KCND2: variants seen among roughly 807,000 people sequenced by gnomAD.
KCND2 encodes potassium voltage-gated channel subfamily D member 2.
Under a neutral mutation model 54.4 loss-of-function variants are expected in KCND2, and 16 were observed. That is an observed-to-expected ratio of 0.29 (90% CI 0.20 to 0.45). The LOEUF (loss-of-function observed/expected upper bound fraction) is 0.45, where lower values mean the gene tolerates loss of function less well. KCND2 is among the 20% of genes least tolerant of loss of function. The pLI is 1.00. For synonymous variants in KCND2, 317 were observed against 310.7 expected (o/e 1.02, Z -0.21); for missense variants, 486 against 824.2 (o/e 0.59, Z 5.02).
At chr7:120,662,496 A>C (rs1360671481) in intron 1 of KCND2, among the ~76,000 whole-genome samples, 1 of 152,208 alleles carries the variant, frequency 6.6e-6, no homozygotes. Context: ...GCAATTCTAC[A>C]CAATGGATCT....
At chr7:120,449,804 C>G (rs1384130115) in intron 1 of KCND2, among the ~76,000 whole-genome samples, 1 of 152,176 alleles carries the variant, frequency 6.6e-6, no homozygotes, top group Non-Finnish European at 1.5e-5. Flanking sequence ...TGCTACAGCC[C>G]ATTTCAAATA....
At chr7:120,543,593 T>C (rs1267993355) in intron 1 of KCND2, among the ~76,000 whole-genome samples, 1 of 152,028 alleles carries the variant, frequency 6.6e-6, no homozygotes, top group Non-Finnish European at 1.5e-5. Flanking sequence ...AAATTTTGTT[T>C]TTTTCTAATA....
chr7:120,655,304 A>G (rs1791787847), intron 1 of KCND2, among the ~76,000 whole-genome samples: 1 of 152,084 alleles, frequency 6.6e-6, no homozygotes, highest in Admixed American at 6.5e-5. Flanking sequence ...GAGGCATAAT[A>G]ATCAAAGAAA....
At chr7:120,696,124 CA>C (rs1246677664) in intron 1 of KCND2, among the ~76,000 whole-genome samples, 1 of 152,158 alleles carries the variant, frequency 6.6e-6, no homozygotes, top group Non-Finnish European at 1.5e-5. Context: ...ACTCAAACTA[CA>C]ATTTATTTTC....
chr7:120,640,209 C>G (rs1793354338), intron 1 of KCND2, among the ~76,000 whole-genome samples: 1 of 151,882 alleles, frequency 6.6e-6, no homozygotes. Context: ...TATAAATATC[C>G]TAAATGAAAT....
chr7:120,489,868 C>G (rs1391158512), intron 1 of KCND2, among the ~76,000 whole-genome samples: 1 of 152,096 alleles, frequency 6.6e-6, no homozygotes, highest in Non-Finnish European at 1.5e-5. Flanking sequence ...CATGATAATT[C>G]TAGCATAAAT....
chr7:120,378,575 A>G (rs1031229691), intron 1 of KCND2, among the ~76,000 whole-genome samples: 3 of 152,100 alleles, frequency 2.0e-5, no homozygotes, highest in Admixed American at 2.0e-4. Context: ...CCTTTTGTTA[A>G]GTGCATAAGA....
chr7:120,453,512 A>C (rs1161705694), intron 1 of KCND2, among the ~76,000 whole-genome samples: 1 of 152,154 alleles, frequency 6.6e-6, no homozygotes, highest in Non-Finnish European at 1.5e-5. Flanking sequence ...ATGTGCATAC[A>C]ATCCACCATA....
intron 1 of KCND2, among the ~76,000 whole-genome samples, chr7:120,330,979 G>A (rs1312252721): frequency 6.6e-6 from 1 of 152,060 alleles, no homozygotes; most frequent in African/African-American, 2.4e-5. Context: ...ACTGAAGATT[G>A]AAATAAAAGA....
chr7:120,635,412 T>G (rs535452111), intron 1 of KCND2, among the ~76,000 whole-genome samples: 39 of 152,312 alleles, frequency 2.6e-4, no homozygotes, highest in Non-Finnish European at 5.4e-4. Flanking sequence ...ATGTAAATAT[T>G]CAGTGCAGTG....
intron 1 of KCND2, among the ~76,000 whole-genome samples, chr7:120,489,190 T>C (rs1044663064): frequency 2.6e-5 from 4 of 152,076 alleles, no homozygotes; most frequent in African/African-American, 9.7e-5. Flanking sequence ...ACATGGGAAA[T>C]AATTCTTACA....
chr7:120,314,824 G>A (rs1266841207), intron 1 of KCND2, among the ~76,000 whole-genome samples: 1 of 152,042 alleles, frequency 6.6e-6, no homozygotes, highest in Non-Finnish European at 1.5e-5. Context: ...GAATATGAAA[G>A]TATACAAAAT....
chr7:120,524,667 A>G (rs1791751467), intron 1 of KCND2, among the ~76,000 whole-genome samples: 1 of 152,182 alleles, frequency 6.6e-6, no homozygotes, highest in Non-Finnish European at 1.5e-5. Context: ...TTAGCTCAGG[A>G]TATACTTTAT....
chr7:120,582,492 G>C (rs1792529653), intron 1 of KCND2, among the ~76,000 whole-genome samples: 1 of 152,012 alleles, frequency 6.6e-6, no homozygotes, highest in Non-Finnish European at 1.5e-5. Flanking sequence ...TCAACCTCCT[G>C]CTGTGTTTTC....
chr7:120,608,371 G>A (rs1423488476), intron 1 of KCND2, among the ~76,000 whole-genome samples: 2 of 151,954 alleles, frequency 1.3e-5, no homozygotes, highest in Non-Finnish European at 2.9e-5. Flanking sequence ...TAGGAATATA[G>A]ACAAAGAAGA....
chr7:120,668,122 A>C (rs1444279526), intron 1 of KCND2, among the ~76,000 whole-genome samples: 1 of 152,084 alleles, frequency 6.6e-6, no homozygotes, highest in Admixed American at 6.5e-5. Flanking sequence ...CTAGAGAAAA[A>C]AAATTAAAAA....
Position 120,622,100 on chromosome 7 carries a change from T to A in KCND2, c.1116-110803T>A, listed in dbSNP as rs570075568. 2.0e-5 allele frequency among the ~76,000 whole-genome samples: 3 copies of A among 152,244 alleles called. No individual in the cohort carries two copies. In the South Asian group the frequency reaches 6.2e-4, roughly 32 times the overall value. Reference sequence around the variant, plus strand: ...GTCTTACAATATACTCTATATATTGTACGTGATTATATGGAAAAGGAGAAT... The same window carrying A: ...GTCTTACAATATACTCTATATATTGAACGTGATTATATGGAAAAGGAGAAT... On this transcript the variant is annotated intron_variant, in intron 1 of 5. Coordinates refer to ENST00000331113, the MANE Select transcript of KCND2 (RefSeq NM_012281.3).
intron 1 of KCND2, among the ~76,000 whole-genome samples, chr7:120,663,765 C>T (rs1250564965): frequency 1.3e-5 from 2 of 152,178 alleles, no homozygotes; most frequent in Non-Finnish European, 2.9e-5. Flanking sequence ...AATAATGTCT[C>T]TACAGGAGAG....
intron 1 of KCND2, among the ~76,000 whole-genome samples, chr7:120,690,808 A>G (rs1792259321): frequency 6.6e-6 from 1 of 152,180 alleles, no homozygotes; most frequent in Non-Finnish European, 1.5e-5. Context: ...TGGATCTTAC[A>G]TTCTAGTGGG....
Sources: allele counts gnomAD v4.1 joint callset (sites outside exome capture counted in the v4.1 genomes callset), GRCh38; gene constraint gnomAD v4.1.1; transcripts MANE v1.5; gene names NCBI Gene and HGNC (gene_info 2026-07-23, HGNC 2026-07-21).